OSBPL9: variants seen among roughly 807,000 people sequenced by gnomAD.
The protein encoded by OSBPL9 is oxysterol-binding protein-related protein 9.
In OSBPL9, 40 loss-of-function variants were observed where a neutral mutation model predicts 106.6. The observed-to-expected ratio is 0.38, with a 90% CI of 0.29 to 0.49. OSBPL9 has a LOEUF of 0.49. OSBPL9 is among the 20% of genes least tolerant of loss of function. The probability of loss-of-function intolerance (pLI) is 0.97; values close to 1 mark genes in which losing one functional copy is unlikely to be tolerated. For missense variants in OSBPL9, 609 were observed against 887.2 expected (o/e 0.69, Z 3.98); for synonymous variants, 269 against 295.4 (o/e 0.91, Z 0.92).
In OSBPL9 at chr1:51,788,846, CT is replaced by C. The variant is rs1334993549; in HGVS notation, c.*1058del. On this transcript the variant is annotated 3_prime_UTR_variant, in exon 24 of 24. Transcript: ENST00000428468. ...AAGGGAAATACAGAACTATATCTAT[CT>C]ATCTATCTATCATCTTTTTTATTTA... Among the ~76,000 whole-genome samples the C allele has an allele frequency of 2.0e-5, 3 of 148,220 alleles. No homozygotes were observed. Among genetic ancestry groups the C allele is most frequent in the Admixed American group, 6.6e-5 (1 of 15,168 alleles).
chr1:51,636,124 A>ATCCT (rs1209429364), intron 1 of OSBPL9, among the ~76,000 whole-genome samples: 1 of 133,546 alleles, frequency 7.5e-6, no homozygotes, highest in Non-Finnish European at 1.6e-5. Flanking sequence ...TCTAAAATCA[A>ATCCT]TCCTTCCTTC....
At chr1:51,571,181 C>A in the OSBPL9 span, among the ~76,000 whole-genome samples, 1 of 152,124 alleles carries the variant, frequency 6.6e-6, no homozygotes, top group East Asian at 1.9e-4. Flanking sequence ...TTCTGAAGAA[C>A]AGGTGCATCT....
At position 51,786,581 on chromosome 1, in the gene OSBPL9, G is replaced by A; in HGVS notation, c.1964G>A (p.Arg655Lys). The change falls in exon 22 of 24, where the codon AGG becomes AAG. Residue 655 changes from arginine (R) to lysine (K), a missense_variant. Arg to Lys is a conservative substitution (Grantham distance 26). Coordinates refer to ENST00000428468, the MANE Select transcript of OSBPL9 (RefSeq NM_024586.6). ...KKLPIIKKKV[R>K]KLEDQNEYES... ...TTGCCTATAATCAAGAAGAAAGTGA[G>A]GAAGTTGGAAGATCAGAACGAGTAT... 1 of 1,612,882 alleles carries A rather than the reference G, an allele frequency of 6.2e-7. No individual in the cohort carries two copies.
intron 2 of OSBPL9, among the ~76,000 whole-genome samples, chr1:51,659,318 A>C (rs770059229): frequency 3.3e-5 from 5 of 152,150 alleles, no homozygotes; most frequent in Admixed American, 6.5e-5. Context: ...CTTCTGAATA[A>C]TTCATTGGTG....
chr1:51,554,953 A>C, the OSBPL9 span, among the ~76,000 whole-genome samples: 1 of 152,218 alleles, frequency 6.6e-6, no homozygotes, highest in Non-Finnish European at 1.5e-5. Context: ...TGGGTTAGAC[A>C]AGGAAATACA....
the OSBPL9 span, among the ~76,000 whole-genome samples, chr1:51,539,985 C>T: frequency 3.5e-4 from 53 of 152,332 alleles, no homozygotes; most frequent in African/African-American, 9.4e-4. Flanking sequence ...GCTTTCACAC[C>T]GCAACCCCCA....
In OSBPL9 at chr1:51,727,776, T is replaced by A. The variant is rs146765672; in HGVS notation, c.318+13697T>A. 5.3e-3 allele frequency among the ~76,000 whole-genome samples: 813 copies of A among 152,264 alleles called. 2 individuals are homozygous for A. The highest frequency in any genetic ancestry group is 0.027 in the Middle Eastern group (8 of 294). ...CCCAGCTATTTCTGAGGCAGGAAGA[T>A]CACTTGAGCCCAGGAGTTTGAGTTC... On this transcript the variant is annotated intron_variant, in intron 4 of 23. Coordinates refer to ENST00000428468, the MANE Select transcript of OSBPL9 (RefSeq NM_024586.6).
At chr1:51,662,802 T>C (rs968121177) in intron 2 of OSBPL9, among the ~76,000 whole-genome samples, 1 of 148,708 alleles carries the variant, frequency 6.7e-6, no homozygotes, top group African/African-American at 2.5e-5. Flanking sequence ...TGGAGTGCAG[T>C]GGCGTGATCT....
intron 1 of OSBPL9, among the ~76,000 whole-genome samples, chr1:51,594,401 C>CA (rs916765662): frequency 5.4e-5 from 8 of 148,388 alleles, no homozygotes; most frequent in Admixed American, 2.7e-4. Flanking sequence ...GACTCCATCT[C>CA]AAAAAAAATA....
At chr1:51,786,327 C>T in intron 21 of OSBPL9, 199 bp from the exon 22 acceptor site, 1 of 518,742 alleles carries the variant, frequency 1.9e-6, no homozygotes. Context: ...ATAGACCTTT[C>T]CTTCAAAGAA....
intron 2 of OSBPL9, among the ~76,000 whole-genome samples, chr1:51,608,635 A>G (rs921615101): frequency 2.0e-5 from 3 of 148,700 alleles, no homozygotes; most frequent in Non-Finnish European, 4.5e-5. Flanking sequence ...TAGTTTAACA[A>G]TCTCCTGACC....
chr1:51,713,877 A>G (rs533792197), intron 3 of OSBPL9, 126 bp from the exon 4 acceptor site: 6 of 675,264 alleles, frequency 8.9e-6, no homozygotes, highest in South Asian at 4.7e-5. Flanking sequence ...AGCTGAACCT[A>G]TTAAGGAAAT....
intron 4 of OSBPL9, among the ~76,000 whole-genome samples, chr1:51,722,207 A>AT (rs1553172926): frequency 6.6e-5 from 10 of 152,130 alleles, no homozygotes; most frequent in African/African-American, 9.7e-5. Context: ...AGATAGATAG[A>AT]AGTAGTTAGA....
At chr1:51,739,767 G>A (rs1666479562) in intron 4 of OSBPL9, among the ~76,000 whole-genome samples, 1 of 151,830 alleles carries the variant, frequency 6.6e-6, no homozygotes, top group South Asian at 2.1e-4. Flanking sequence ...TAAACCACGG[G>A]GACAGTAGGG....
chr1:51,641,269 G>C (rs1308556166), intron 1 of OSBPL9, among the ~76,000 whole-genome samples: 1 of 152,130 alleles, frequency 6.6e-6, no homozygotes, highest in Admixed American at 6.5e-5. Context: ...ACCTTGCTCT[G>C]ACTGGGGCCT....
intron 4 of OSBPL9, among the ~76,000 whole-genome samples, chr1:51,716,423 C>T (rs1661068410): frequency 1.3e-5 from 2 of 152,184 alleles, no homozygotes; most frequent in South Asian, 4.1e-4. Context: ...ATAAGAGTAC[C>T]TACTTCATAG....
At chr1:51,645,221 C>T (rs551851215) in intron 1 of OSBPL9, among the ~76,000 whole-genome samples, 79 of 152,284 alleles carry the variant, frequency 5.2e-4, no homozygotes, top group African/African-American at 1.8e-3. Context: ...ACAAGATGCA[C>T]TAAGACAATC....
At chr1:51,557,722 A>G in the OSBPL9 span, among the ~76,000 whole-genome samples, 1,122 of 152,328 alleles carry the variant, frequency 7.4e-3, 14 homozygotes, top group African/African-American at 0.026. Context: ...CTGAGTCCTC[A>G]GTGTTCTCAT....
chr1:51,530,354 A>T, the OSBPL9 span, among the ~76,000 whole-genome samples: 2 of 152,016 alleles, frequency 1.3e-5, no homozygotes, highest in Non-Finnish European at 2.9e-5. Flanking sequence ...CCATCCAGAA[A>T]GTGAAAAGAC....
Sources: allele counts gnomAD v4.1 joint callset (sites outside exome capture counted in the v4.1 genomes callset), GRCh38; gene constraint gnomAD v4.1.1; transcripts MANE v1.5; gene names NCBI Gene and HGNC (gene_info 2026-07-23, HGNC 2026-07-21).